DLC1: variants seen among roughly 807,000 people sequenced by gnomAD.
DLC1 encodes rho GTPase-activating protein 7.
In DLC1, 54 loss-of-function variants were observed where a neutral mutation model predicts 140.3. The observed-to-expected ratio is 0.38, with a 90% CI of 0.31 to 0.48. The LOEUF is 0.48. Among genes scored for constraint, DLC1 ranks in the 20% least tolerant of loss-of-function variants. The probability of loss-of-function intolerance (pLI) is 0.96; values close to 1 mark genes in which losing one functional copy is unlikely to be tolerated. For synonymous variants in DLC1, 986 were observed against 728.1 expected (o/e 1.35, Z -5.70); for missense variants, 2,536 against 1,907.0 (o/e 1.33, Z -6.14).
In DLC1 at chr8:13,385,627, T is replaced by C. The variant is rs534736455; in HGVS notation, c.1314+7926A>G. On this transcript the variant is annotated intron_variant, in intron 4 of 17. Transcript: ENST00000276297. ...CAGATTTCTGTTACATGATTCCAAA[T>C]ATTTATATATGTGATTTTCAGACTA... Among the ~76,000 whole-genome samples, 169 of 152,324 alleles carry C rather than the reference T, an allele frequency of 1.1e-3. 1 individual carries two copies. The highest frequency in any genetic ancestry group is 3.2e-3 in the African/African-American group (133 of 41,582).
In DLC1 at chr8:13,100,594, C is replaced by A. The variant is rs749614776; in HGVS notation, c.1743G>T (p.Thr581=). The change falls in exon 9 of 18, where the codon ACG becomes ACT. Residue 581 remains threonine, a synonymous_variant. Coordinates refer to ENST00000276297, the MANE Select transcript of DLC1 (RefSeq NM_182643.3). ...CCTGGCGCTCGCTGAGGTCCATCAG[C>A]GTGCCTCCGGGGCTGGGGCCGTCCT... ...HPKDGPSPGG[T]LMDLSERQEV... The A allele has an allele frequency of 6.2e-7, 1 of 1,613,652 alleles. No individual in the cohort carries two copies. Among genetic ancestry groups the A allele is most frequent in the Non-Finnish European group, 8.5e-7 (1 of 1,179,876 alleles).
intron 2 of DLC1, among the ~76,000 whole-genome samples, chr8:13,494,756 G>T (rs1801423683): frequency 6.6e-6 from 1 of 152,028 alleles, no homozygotes; most frequent in Admixed American, 6.5e-5. Context: ...TTTGAGACCA[G>T]GCTGGCCAAC....
At chr8:13,545,417 C>G (rs370731445) in intron 1 of DLC1, among the ~76,000 whole-genome samples, 1 of 151,874 alleles carries the variant, frequency 6.6e-6, no homozygotes, top group African/African-American at 2.4e-5. Context: ...GTTGTTTCCC[C>G]TAAGTCATCT....
chr8:13,117,009 A>G (rs1472565573), intron 5 of DLC1, among the ~76,000 whole-genome samples: 2 of 152,358 alleles, frequency 1.3e-5, no homozygotes, highest in East Asian at 3.9e-4. Flanking sequence ...AAAAGTGTAG[A>G]ATTGTCCAAA....
intron 1 of DLC1, among the ~76,000 whole-genome samples, chr8:13,504,124 T>TTTTTA (rs1317860605): frequency 1.0e-4 from 15 of 148,640 alleles, no homozygotes; most frequent in Admixed American, 9.4e-4. Context: ...TCAGAGAATT[T>TTTTTA]TTTTTTTTTT....
At chr8:13,321,534 C>A (rs1257382671) in intron 4 of DLC1, among the ~76,000 whole-genome samples, 2 of 55,168 alleles carry the variant, frequency 3.6e-5, no homozygotes, top group African/African-American at 1.2e-4. Context: ...GAGACTCAGT[C>A]TCAAAAAAGA....
rs528510713 is a variant in DLC1, at chr8:13,543,851, G to C, written c.-125-43655C>G. The stretch of plus-strand genomic sequence containing the variant: ...CTTTGGAGACTCAGAAGAGGGGAGG[G>C]CGAGTGGGAAGTGAGGGATGAAACA... On this transcript the variant is annotated intron_variant, in intron 1 of 1. Coordinates refer to the DLC1 transcript ENST00000631382. Among the ~76,000 whole-genome samples, 8 of 152,066 alleles carry C rather than the reference G, an allele frequency of 5.3e-5. No individual in the cohort carries two copies. In the South Asian group the frequency reaches 1.7e-3, roughly 32 times the overall value.
At chr8:13,414,725 C>T (rs1042082047) in intron 2 of DLC1, among the ~76,000 whole-genome samples, 9 of 152,260 alleles carry the variant, frequency 5.9e-5, no homozygotes, top group South Asian at 2.1e-4. Flanking sequence ...TTAAAGCAAA[C>T]ATTCAGTGAA....
chr8:13,110,893 C>A, intron 6 of DLC1, 70 bp from the exon 7 acceptor site: 2 of 1,388,550 alleles, frequency 1.4e-6, no homozygotes, highest in South Asian at 1.2e-5. Context: ...CCCAGTTTAC[C>A]AAAGCAGGGA....
At chr8:13,127,033 GC>G (rs1453947288) in intron 5 of DLC1, among the ~76,000 whole-genome samples, 2 of 152,154 alleles carry the variant, frequency 1.3e-5, no homozygotes, top group Non-Finnish European at 2.9e-5. Flanking sequence ...GCCACCTCCA[GC>G]CATTTCTATG....
chr8:13,521,811 C>A (rs1485019827), intron 1 of DLC1, among the ~76,000 whole-genome samples: 1 of 152,152 alleles, frequency 6.6e-6, no homozygotes, highest in Non-Finnish European at 1.5e-5. Context: ...CAAGTGGAAC[C>A]ATTTGAGAAC....
At chr8:13,566,215 G>A (rs1804422429) in intron 1 of DLC1, among the ~76,000 whole-genome samples, 1 of 152,160 alleles carries the variant, frequency 6.6e-6, no homozygotes, top group South Asian at 2.1e-4. Context: ...AGCCCTTCCT[G>A]AGGAAATGGG....
At chr8:13,109,926 CA>C (rs1043374785) in intron 7 of DLC1, among the ~76,000 whole-genome samples, 2 of 151,910 alleles carry the variant, frequency 1.3e-5, no homozygotes, top group Non-Finnish European at 2.9e-5. Context: ...AAAACAAAAA[CA>C]AAAAAACCCT....
At chr8:13,105,724 C>T (rs1705131503) in intron 7 of DLC1, among the ~76,000 whole-genome samples, 1 of 151,564 alleles carries the variant, frequency 6.6e-6, no homozygotes, top group Non-Finnish European at 1.5e-5. Flanking sequence ...ACTACAGGTG[C>T]CCGCCACCAG....
At chr8:13,408,746 C>G (rs2291209) in intron 2 of DLC1, among the ~76,000 whole-genome samples, 19,033 of 152,136 alleles carry the variant, frequency 0.13, 1,381 homozygotes, top group Admixed American at 0.2. Context: ...GATATGTATT[C>G]CATACTATCA....
At chr8:13,541,183 C>G (rs1336154773) in intron 1 of DLC1, among the ~76,000 whole-genome samples, 1 of 152,154 alleles carries the variant, frequency 6.6e-6, no homozygotes, top group African/African-American at 2.4e-5. Context: ...CTACCACAAC[C>G]TGTTTATACA....
intron 1 of DLC1, among the ~76,000 whole-genome samples, chr8:13,575,956 G>T (rs1271836516): frequency 6.6e-6 from 1 of 152,182 alleles, no homozygotes; most frequent in Admixed American, 6.5e-5. Flanking sequence ...TTTCCTCAAA[G>T]GAGCAAATCT....
At chr8:13,115,727 C>T in intron 5 of DLC1, 70 bp from the exon 6 acceptor site, 1 of 1,492,526 alleles carries the variant, frequency 6.7e-7, no homozygotes, top group South Asian at 1.2e-5. Flanking sequence ...CCTGAATAAG[C>T]TTTCGTTTTA....
chr8:13,564,933 C>A (rs985043751), intron 1 of DLC1, among the ~76,000 whole-genome samples: 13 of 152,172 alleles, frequency 8.5e-5, no homozygotes, highest in African/African-American at 2.9e-4. Context: ...TCAGCCACAG[C>A]TTGGTCCACA....
Sources: gnomAD v4.1 joint callset for allele counts (sites outside exome capture counted in the v4.1 genomes callset) on GRCh38, gnomAD v4.1.1 for gene constraint, MANE v1.5 for transcripts, NCBI Gene and HGNC (gene_info 2026-07-23, HGNC 2026-07-21) for gene names.